TTLL11: variants seen among roughly 807,000 people sequenced by gnomAD.
TTLL11 encodes the protein tubulin polyglutamylase TTLL11.
TTLL11 carries 42 observed loss-of-function variants against 51.7 expected under a neutral mutation model. That is an observed-to-expected ratio of 0.81 (90% confidence interval 0.64 to 1.05). The LOEUF (loss-of-function observed/expected upper bound fraction) is 1.05. Ranked by LOEUF, TTLL11 falls within the 50% of genes least tolerant of loss-of-function variation. The pLI is 0.00. For synonymous variants in TTLL11, 381 were observed against 383.5 expected (o/e 0.99, Z 0.08); for missense variants, 799 against 940.4 (o/e 0.85, Z 1.97).
At chr9:122,090,183 C>T (rs1479714657) in intron 1 of TTLL11, among the ~76,000 whole-genome samples, 1 of 149,304 alleles carries the variant, frequency 6.7e-6, no homozygotes, top group Non-Finnish European at 1.5e-5. Flanking sequence ...ATGCGGCTAC[C>T]GAAGTAGAAA....
intron 8 of TTLL11, among the ~76,000 whole-genome samples, chr9:121,850,524 T>C: frequency 6.6e-6 from 1 of 151,276 alleles, no homozygotes; most frequent in Non-Finnish European, 1.5e-5. Flanking sequence ...GTGTCCCAGC[T>C]CCATGAGGGA....
In TTLL11 at chr9:121,860,431, G is replaced by A; in HGVS notation, c.1746C>T (p.Leu582=). 6.4e-7 allele frequency: 1 copy of A among 1,550,792 alleles called. No homozygotes were observed. The highest frequency in any genetic ancestry group is 2.4e-5 in the East Asian group (1 of 40,930). ...GFRTFIRSCK[L]SSSSLSMAAV... is the part of the protein sequence containing the mutation. ...CAGCCATGGACAGGCTGCTGCTGCT[G>A]AGTTTGCAGCTCCTGCCAACAATGG... The change falls in exon 8 of 9, where the codon CTC becomes CTT. Residue 582 remains leucine (L), a synonymous_variant. Transcript: ENST00000321582.
chr9:121,829,623 T>C (rs1836932566), intron 8 of TTLL11, among the ~76,000 whole-genome samples: 1 of 152,098 alleles, frequency 6.6e-6, no homozygotes, highest in Non-Finnish European at 1.5e-5. Context: ...AGGAAAACAA[T>C]GTATACAATG....
At chr9:121,913,007 G>T (rs1840196956) in intron 6 of TTLL11, among the ~76,000 whole-genome samples, 1 of 152,024 alleles carries the variant, frequency 6.6e-6, no homozygotes, top group African/African-American at 2.4e-5. Flanking sequence ...TGCCTTCAAG[G>T]TAGTTCCTCC....
chr9:121,842,260 A>T (rs576141662), intron 8 of TTLL11, among the ~76,000 whole-genome samples: 266 of 136,722 alleles, frequency 1.9e-3, no homozygotes, highest in Middle Eastern at 0.011. Flanking sequence ...TTTTTTTTAA[A>T]AAAAAAAGAC....
chr9:122,083,528 T>C (rs1476770085), intron 1 of TTLL11, among the ~76,000 whole-genome samples: 2 of 152,164 alleles, frequency 1.3e-5, no homozygotes, highest in Non-Finnish European at 2.9e-5. Context: ...GAAAAAAATC[T>C]GGGCCAGGCA....
chr9:121,961,423 G>T (rs1395105871), intron 6 of TTLL11, among the ~76,000 whole-genome samples: 2 of 148,910 alleles, frequency 1.3e-5, no homozygotes, highest in African/African-American at 4.9e-5. Context: ...TTTTATGGAT[G>T]AAAAAAAAAA....
chr9:121,845,479 T>G (rs2131361463), intron 8 of TTLL11, among the ~76,000 whole-genome samples: 1 of 152,244 alleles, frequency 6.6e-6, no homozygotes. Flanking sequence ...GGAAGAGCAT[T>G]AGAGAATAAA....
Position 121,819,859 on chromosome 9 carries a change from T to C in TTLL11, c.*2728A>G, listed in dbSNP as rs1263746191. 3.3e-5 allele frequency among the ~76,000 whole-genome samples: 5 copies of C among 152,236 alleles called. No homozygotes were observed. Among genetic ancestry groups the C allele is most frequent in the African/African-American group, 7.2e-5 (3 of 41,462 alleles). The stretch of plus-strand genomic sequence containing the variant: ...AAGGGGTAAACACAGTGGTGCTTCT[T>C]ATTAGGAATGGAGGAGGCGGGGTGA... On this transcript the variant is annotated 3_prime_UTR_variant, in exon 9 of 9. Coordinates refer to ENST00000321582, the MANE Select transcript of TTLL11 (RefSeq NM_001139442.2).
At chr9:121,934,904 G>T (rs549840497) in intron 6 of TTLL11, among the ~76,000 whole-genome samples, 29 of 152,266 alleles carry the variant, frequency 1.9e-4, no homozygotes, top group African/African-American at 6.0e-4. Context: ...TTTGAAGTAT[G>T]TGGCAGTGAT....
chr9:121,974,780 G>GA (rs1308705895), intron 5 of TTLL11, 104 bp downstream of exon 5: 1 of 933,654 alleles, frequency 1.1e-6, no homozygotes, highest in East Asian at 2.8e-5. Flanking sequence ...ATTTGGCTAT[G>GA]AAAATCTGAG....
intron 6 of TTLL11, among the ~76,000 whole-genome samples, chr9:121,901,185 T>C (rs1026310891): frequency 1.8e-4 from 27 of 152,240 alleles, no homozygotes; most frequent in African/African-American, 6.5e-4. Flanking sequence ...TGTATACTGA[T>C]TTAGTATCCT....
intron 6 of TTLL11, among the ~76,000 whole-genome samples, chr9:121,962,073 TA>T (rs1842246743): frequency 6.6e-6 from 1 of 151,876 alleles, no homozygotes; most frequent in Admixed American, 6.6e-5. Context: ...AGGAGAAAAA[TA>T]AAAACAGCAT....
chr9:122,071,854 C>T (rs1239105326), intron 1 of TTLL11, among the ~76,000 whole-genome samples: 1 of 152,198 alleles, frequency 6.6e-6, no homozygotes, highest in Non-Finnish European at 1.5e-5. Context: ...TGCAGATTGA[C>T]TCCATCACAA....
chr9:121,904,051 T>C (rs1053907789), intron 6 of TTLL11, among the ~76,000 whole-genome samples: 2 of 152,234 alleles, frequency 1.3e-5, no homozygotes, highest in Admixed American at 6.5e-5. Flanking sequence ...ACCGCGTTAA[T>C]TCCCATATTC....
chr9:121,862,878 C>T (rs554947658), intron 7 of TTLL11, among the ~76,000 whole-genome samples: 2 of 152,286 alleles, frequency 1.3e-5, no homozygotes, highest in African/African-American at 2.4e-5. Flanking sequence ...TGTTAGGGAC[C>T]GGACAGGGGA....
intron 3 of TTLL11, among the ~76,000 whole-genome samples, chr9:122,021,913 A>G (rs1844192619): frequency 6.6e-6 from 1 of 152,232 alleles, no homozygotes; most frequent in Non-Finnish European, 1.5e-5. Flanking sequence ...GAGTGATTAT[A>G]ATGCATTCCA....
chr9:122,088,649 A>C (rs2131941100), intron 1 of TTLL11, among the ~76,000 whole-genome samples: 1 of 152,362 alleles, frequency 6.6e-6, no homozygotes, highest in Middle Eastern at 3.4e-3. Context: ...GGAACAGAGT[A>C]AGAGCTATAT....
intron 6 of TTLL11, among the ~76,000 whole-genome samples, chr9:121,897,640 A>ACACACACACACACACACACACG (rs111331446): frequency 0.069 from 9,632 of 138,936 alleles, 511 homozygotes; most frequent in Middle Eastern, 0.1. Context: ...ACACACACAC[A>ACACACACACACACACACACACG]CGCGCGCGCG....
Sources: gnomAD v4.1 joint callset for allele counts (sites outside exome capture counted in the v4.1 genomes callset) on GRCh38, gnomAD v4.1.1 for gene constraint, MANE v1.5 for transcripts, NCBI Gene and HGNC (gene_info 2026-07-23, HGNC 2026-07-21) for gene names.